The following NAA11 variants were observed in gnomAD, a reference collection of about 807,000 sequenced individuals.
The protein encoded by NAA11 is N-alpha-acetyltransferase 11.
A neutral mutation model predicts 16.1 loss-of-function variants in NAA11; 15 were observed. That is an observed-to-expected ratio of 0.93 (90% CI 0.62 to 1.44). The LOEUF (loss-of-function observed/expected upper bound fraction) is 1.44, where lower values mean the gene tolerates loss of function less well. Among genes scored for constraint, NAA11 ranks in the 40% most tolerant of loss-of-function variants. The pLI is 0.00. For synonymous variants in NAA11, 122 were observed against 112.4 expected (o/e 1.09, Z -0.54); for missense variants, 298 against 291.3 (o/e 1.02, Z -0.17).
At chr4:79,305,579 C>A (rs909314850) in intron 1 of NAA11, among the ~76,000 whole-genome samples, 4 of 152,256 alleles carry the variant, frequency 2.6e-5, no homozygotes, top group Admixed American at 2.6e-4. Context: ...TCCTGGTTCA[C>A]AAAAGCTTTT....
intron 2 of NAA11, among the ~76,000 whole-genome samples, chr4:79,251,011 A>G (rs1019197577): frequency 6.6e-5 from 10 of 152,340 alleles, no homozygotes; most frequent in Non-Finnish European, 1.5e-4. Context: ...ACACTTATAC[A>G]CTGCTGGTGG....
downstream of NAA11, among the ~76,000 whole-genome samples, chr4:79,315,426 C>T (rs181616034): frequency 5.3e-5 from 8 of 152,270 alleles, no homozygotes; most frequent in East Asian, 7.7e-4. Flanking sequence ...GGGAAAACCA[C>T]ACAGACTCTA....
the NAA11 span, among the ~76,000 whole-genome samples, chr4:79,189,753 G>C: frequency 1.3e-5 from 2 of 152,152 alleles, no homozygotes; most frequent in South Asian, 4.1e-4. Flanking sequence ...CTTGTCTAAG[G>C]GTTTGTTTCT....
chr4:79,213,974 A>G, the NAA11 span, among the ~76,000 whole-genome samples: 2 of 152,186 alleles, frequency 1.3e-5, no homozygotes, highest in African/African-American at 4.8e-5. Flanking sequence ...ACTGTTTCTT[A>G]CTATCTGACT....
the NAA11 span, among the ~76,000 whole-genome samples, chr4:79,175,015 C>A: frequency 9.2e-5 from 14 of 152,068 alleles, no homozygotes; most frequent in Non-Finnish European, 1.9e-4. Flanking sequence ...TAAGTCCTGG[C>A]AGATAATCCT....
At chr4:79,209,755 A>G in the NAA11 span, among the ~76,000 whole-genome samples, 3 of 152,138 alleles carry the variant, frequency 2.0e-5, no homozygotes, top group Non-Finnish European at 4.4e-5. Flanking sequence ...TTTAGATTAC[A>G]TTGGTCAGGG....
intron 1 of NAA11, among the ~76,000 whole-genome samples, chr4:79,304,269 CTG>C (rs1415711556): frequency 6.6e-6 from 1 of 152,152 alleles, no homozygotes; most frequent in African/African-American, 2.4e-5. Context: ...GCAATTTAAA[CTG>C]TATTCATCAC....
At chr4:79,214,749 G>T in the NAA11 span, among the ~76,000 whole-genome samples, 3 of 152,146 alleles carry the variant, frequency 2.0e-5, no homozygotes, top group East Asian at 3.8e-4. Context: ...AGTGAGCCGA[G>T]ATGGCGCCAC....
At chr4:79,205,668 AG>A in the NAA11 span, among the ~76,000 whole-genome samples, 1 of 151,930 alleles carries the variant, frequency 6.6e-6, no homozygotes, top group Non-Finnish European at 1.5e-5. Flanking sequence ...TTGAGGTCTT[AG>A]TTATAAATTA....
chr4:79,178,453 T>G, the NAA11 span, among the ~76,000 whole-genome samples: 1 of 152,202 alleles, frequency 6.6e-6, no homozygotes, highest in Non-Finnish European at 1.5e-5. Flanking sequence ...AGAGAATAGT[T>G]CAGATAATGA....
the NAA11 span, among the ~76,000 whole-genome samples, chr4:79,168,350 T>C: frequency 6.6e-6 from 1 of 152,336 alleles, no homozygotes; most frequent in Non-Finnish European, 1.5e-5. Flanking sequence ...TGTGTCTTTA[T>C]AGTAGAATGA....
downstream of NAA11, among the ~76,000 whole-genome samples, chr4:79,315,642 C>T (rs1227984615): frequency 2.0e-5 from 3 of 151,984 alleles, no homozygotes; most frequent in Admixed American, 2.0e-4. Flanking sequence ...TTGCTTTGCT[C>T]TCTCTAGGAC....
chr4:79,278,304 A>G (rs1285868548), intron 2 of NAA11, among the ~76,000 whole-genome samples: 3 of 152,136 alleles, frequency 2.0e-5, no homozygotes, highest in Non-Finnish European at 4.4e-5. Context: ...ACGTCTCATT[A>G]TGCTGTTTTC....
chr4:79,230,022 A>T (rs1721419562), intron 2 of NAA11, among the ~76,000 whole-genome samples: 2 of 151,974 alleles, frequency 1.3e-5, no homozygotes, highest in African/African-American at 2.4e-5. Flanking sequence ...GAGAATGATG[A>T]TTTCCAATTT....
intron 2 of NAA11, among the ~76,000 whole-genome samples, chr4:79,230,321 G>A (rs1165198833): frequency 6.6e-6 from 1 of 151,944 alleles, no homozygotes; most frequent in South Asian, 2.1e-4. Flanking sequence ...TATACCTAAT[G>A]CTAGATGACG....
intron 1 of NAA11, among the ~76,000 whole-genome samples, chr4:79,307,767 CACAA>C (rs1175663279): frequency 6.6e-6 from 1 of 152,092 alleles, no homozygotes; most frequent in Non-Finnish European, 1.5e-5. Flanking sequence ...AACAATTTTG[CACAA>C]ACAATTTAAT....
chr4:79,265,633 A>G (rs1722328894), intron 2 of NAA11, among the ~76,000 whole-genome samples: 1 of 152,124 alleles, frequency 6.6e-6, no homozygotes, highest in Admixed American at 6.5e-5. Context: ...CTCCAGTTAA[A>G]TGCATGGCTT....
chr4:79,222,695 G>T (rs1463136201), downstream of NAA11, among the ~76,000 whole-genome samples: 84 of 143,444 alleles, frequency 5.9e-4, no homozygotes, highest in Non-Finnish European at 9.4e-4. Context: ...ACTACCATCA[G>T]AGTGAACAGG....
intron 2 of NAA11, among the ~76,000 whole-genome samples, chr4:79,249,859 A>G (rs1721953787): frequency 6.6e-6 from 1 of 152,252 alleles, no homozygotes; most frequent in Non-Finnish European, 1.5e-5. Flanking sequence ...CAAGATGGCC[A>G]ATTAGAAGCA....
Sources: gnomAD v4.1 joint callset for allele counts (sites outside exome capture counted in the v4.1 genomes callset) on GRCh38, gnomAD v4.1.1 for gene constraint, MANE v1.5 for transcripts, NCBI Gene and HGNC (gene_info 2026-07-23, HGNC 2026-07-21) for gene names.